The following CLEC9A variants were observed in gnomAD, a reference collection of about 807,000 sequenced individuals.
The protein encoded by CLEC9A is C-type lectin domain family 9 member A.
Under a neutral mutation model 30.0 loss-of-function variants are expected in CLEC9A, and 24 were observed. The observed-to-expected ratio is 0.80, with a 90% confidence interval of 0.58 to 1.13. CLEC9A has a LOEUF of 1.13. Among genes scored for constraint, CLEC9A ranks in the 50% most tolerant of loss-of-function variants. The pLI, the probability that CLEC9A is intolerant of heterozygous loss-of-function variation, is 0.00. For missense variants in CLEC9A, 251 were observed against 280.9 expected (o/e 0.89, Z 0.76); for synonymous variants, 111 against 96.8 (o/e 1.15, Z -0.86).
At chr12:10,046,098 A>G (rs1259129633) in intron 2 of CLEC9A, among the ~76,000 whole-genome samples, 1 of 152,234 alleles carries the variant, frequency 6.6e-6, no homozygotes, top group East Asian at 1.9e-4. Context: ...TTAAAGTACA[A>G]TCATGAACAA....
Position 10,054,368 on chromosome 12 carries a change from AT to A in CLEC9A, c.172+21del, listed in dbSNP as rs2137309266. Reference sequence around the variant, plus strand: ...GCGTCAAGTGTAAGTACTAAAAGATATTTTCAAAATATGTATATCGTTATAT... The same window carrying A: ...GCGTCAAGTGTAAGTACTAAAAGATATTTCAAAATATGTATATCGTTATAT... On this transcript the variant is annotated intron_variant, in intron 5 of 8. Transcript: ENST00000355819. 1 of 1,515,736 alleles carries A rather than the reference AT, an allele frequency of 6.6e-7. No homozygotes were observed. Among genetic ancestry groups the A allele is most frequent in the East Asian group, 2.3e-5 (1 of 44,418 alleles). 93.9% of individuals were successfully genotyped at this position (1,515,736 alleles called of 1,614,324 possible). A position where few individuals can be genotyped will look rare whatever the true frequency, so the allele number is the denominator to read the frequency against.
intron 2 of CLEC9A, chr12:10,043,266 C>A: frequency 3.1e-6 from 1 of 317,908 alleles, no homozygotes. Flanking sequence ...ATTATCCCAC[C>A]AGAACTCTAA....
intron 5 of CLEC9A, among the ~76,000 whole-genome samples, chr12:10,060,145 A>C (rs1865984163): frequency 6.6e-6 from 1 of 152,240 alleles, no homozygotes; most frequent in Admixed American, 6.5e-5. Flanking sequence ...ATAGCGTAGC[A>C]GTTTCTTAAA....
In CLEC9A at chr12:10,052,659, G is replaced by T. The variant is rs944797543; in HGVS notation, c.-29G>T. On this transcript the variant is annotated 5_prime_UTR_variant, in exon 4 of 9. Coordinates refer to ENST00000355819, the MANE Select transcript of CLEC9A (RefSeq NM_207345.4). ...GTTACTTGTTCCAGCCTCCTGTGTG[G>T]ACTGCTTTCCTATCAAAGCACCTTA... The T allele has an allele frequency of 1.2e-6, 2 of 1,611,706 alleles. No homozygotes were observed. Among genetic ancestry groups the T allele is most frequent in the African/African-American group, 1.3e-5 (1 of 74,860 alleles).
At position 10,052,697 on chromosome 12, in the gene CLEC9A, G is replaced by A. The variant is rs1233315406; in HGVS notation, c.10G>A (p.Glu4Lys). 2 of 1,613,778 alleles carry A rather than the reference G, an allele frequency of 1.2e-6. No homozygotes were observed. The highest frequency in any genetic ancestry group is 1.7e-6 in the Non-Finnish European group (2 of 1,179,796). The part of the protein sequence containing the change: MHE[E>K]EIYTSLQWDS... Reference sequence around the variant, plus strand: ...TCAAAGCACCTTAGACATGCACGAGGAAGAAATATACACCTCTCTTCAGTG... The same window carrying A: ...TCAAAGCACCTTAGACATGCACGAGAAAGAAATATACACCTCTCTTCAGTG... Residue 4 changes from glutamate to lysine, a missense_variant, in exon 4 of 9, where the codon GAA (glutamate) becomes AAA (lysine). Glu to Lys is a moderately conservative substitution (Grantham distance 56). Coordinates refer to ENST00000355819, the MANE Select transcript of CLEC9A (RefSeq NM_207345.4).
At position 10,044,275 on chromosome 12, in the gene CLEC9A, A is replaced by C. The variant is rs925233332; in HGVS notation, c.-163+2655A>C. ...CATCTTTTGTCCATCCTATATATCA[A>C]AACTGCAGTCTCTCTCCAATTAAAA... On this transcript the variant is annotated intron_variant, in intron 2 of 8. Transcript: ENST00000355819. 2.0e-5 allele frequency among the ~76,000 whole-genome samples: 3 copies of C among 152,158 alleles called. No individual in the cohort carries two copies. The South Asian group carries it at 6.2e-4, about 32-fold the overall frequency.
intron 7 of CLEC9A, among the ~76,000 whole-genome samples, chr12:10,063,532 GAT>G (rs1866015586): frequency 6.6e-6 from 1 of 152,144 alleles, no homozygotes; most frequent in African/African-American, 2.4e-5. Context: ...TATAGTTGCA[GAT>G]ATGTTTTAAA....
chr12:10,040,181 A>G (rs558984050), intron 1 of CLEC9A, among the ~76,000 whole-genome samples: 1 of 152,362 alleles, frequency 6.6e-6, no homozygotes, highest in East Asian at 1.9e-4. Context: ...ATAAATGAAT[A>G]GTTTGGCATC....
chr12:10,038,162 A>G (rs1181779797), intron 1 of CLEC9A, among the ~76,000 whole-genome samples: 1 of 152,210 alleles, frequency 6.6e-6, no homozygotes, highest in African/African-American at 2.4e-5. Flanking sequence ...TTTAATTTGT[A>G]GTACTTTTAA....
chr12:10,031,935 G>C (rs367887377), intron 1 of CLEC9A, among the ~76,000 whole-genome samples: 1 of 152,076 alleles, frequency 6.6e-6, no homozygotes, highest in East Asian at 1.9e-4. Flanking sequence ...AGAAGGGGAA[G>C]TGAGGGTAGG....
At chr12:10,064,673 T>G in intron 7 of CLEC9A, 59 bp from the exon 8 acceptor site, 1 of 1,542,446 alleles carries the variant, frequency 6.5e-7, no homozygotes, top group Admixed American at 2.0e-5. Context: ...CACTTTATAT[T>G]TCACTAGAGT....
At chr12:10,048,673 C>T (rs1384877703) in intron 2 of CLEC9A, among the ~76,000 whole-genome samples, 1 of 152,196 alleles carries the variant, frequency 6.6e-6, no homozygotes, top group Non-Finnish European at 1.5e-5. Flanking sequence ...TTCAAGTTTC[C>T]TGGTGAGATT....
At chr12:10,060,881 G>T in intron 5 of CLEC9A, 1 of 360,186 alleles carries the variant, frequency 2.8e-6, no homozygotes, top group African/African-American at 2.2e-5. Flanking sequence ...AATATAAATT[G>T]GTAAATCTGG....
chr12:10,048,753 C>T (rs1191336908), intron 2 of CLEC9A, among the ~76,000 whole-genome samples: 2 of 152,224 alleles, frequency 1.3e-5, no homozygotes, highest in Non-Finnish European at 2.9e-5. Flanking sequence ...AGCACATCTG[C>T]AGTTACTTCC....
At position 10,061,182 on chromosome 12, in the gene CLEC9A, G is replaced by A. The variant is rs774897280; in HGVS notation, c.228G>A (p.Glu76=). The change falls in exon 6 of 9, where the codon GAG becomes GAA. Residue 76 remains glutamate (E), a synonymous_variant. Transcript: ENST00000355819. ...MQQQEKLIQQ[E]RALLNFTEWK... is the part of the protein sequence containing the mutation. ...AGCAAGAAAAACTCATCCAACAAGAGAGGGCACTGCTAAACTTTACAGAAT... is the reference window on the plus strand; with the variant it reads ...AGCAAGAAAAACTCATCCAACAAGAAAGGGCACTGCTAAACTTTACAGAAT... The A allele has an allele frequency of 6.2e-7, 1 of 1,613,470 alleles. No homozygotes were observed. The highest frequency in any genetic ancestry group is 2.2e-5 in the East Asian group (1 of 44,840).
intron 1 of CLEC9A, among the ~76,000 whole-genome samples, chr12:10,039,037 A>AGGCAGG (rs1388161290): frequency 5.3e-5 from 8 of 152,206 alleles, no homozygotes; most frequent in African/African-American, 1.2e-4. Flanking sequence ...GACCCTGAGA[A>AGGCAGG]GGCAGGGGCA....
chr12:10,030,911 A>G lies in CLEC9A; in HGVS notation c.-379A>G, dbSNP rs1488940277. 1 of 152,184 alleles carries G rather than the reference A, an allele frequency of 6.6e-6. No individual in the cohort carries two copies. Among genetic ancestry groups the G allele is most frequent in the African/African-American group, 2.4e-5 (1 of 41,436 alleles). The allele number at this position is 152,184 out of a possible 1,614,324, so 9.4% of individuals were successfully genotyped here. A position where few individuals can be genotyped will look rare whatever the true frequency, so the allele number is the denominator to read the frequency against. On this transcript the variant is annotated 5_prime_UTR_variant, in exon 1 of 9. Transcript: ENST00000355819. ...CTGGGTATTTGATCCACACAATGGTAAAGATTCCCATGTTAGCCAAGATCT... is the reference window on the plus strand; with the variant it reads ...CTGGGTATTTGATCCACACAATGGTGAAGATTCCCATGTTAGCCAAGATCT...
chr12:10,055,315 A>G (rs1865931884), intron 5 of CLEC9A, among the ~76,000 whole-genome samples: 1 of 152,246 alleles, frequency 6.6e-6, no homozygotes, highest in Admixed American at 6.5e-5. Context: ...AAGCACACAT[A>G]TTAAATACCT....
chr12:10,045,115 A>G (rs907345434), intron 2 of CLEC9A, among the ~76,000 whole-genome samples: 2 of 152,152 alleles, frequency 1.3e-5, no homozygotes, highest in Non-Finnish European at 2.9e-5. Context: ...CTCCTGTCCC[A>G]TCCATTGCAG....
Sources: gnomAD v4.1 joint callset for allele counts (sites outside exome capture counted in the v4.1 genomes callset) on GRCh38, gnomAD v4.1.1 for gene constraint, MANE v1.5 for transcripts, NCBI Gene and HGNC (gene_info 2026-07-23, HGNC 2026-07-21) for gene names.